The following GARRE1 variants were observed in gnomAD, a reference collection of about 807,000 sequenced individuals.
The protein encoded by GARRE1 is granule associated Rac and RHOG effector 1.
In GARRE1, 49 loss-of-function variants were observed where a neutral mutation model predicts 103.2. The ratio of observed to expected loss-of-function variants is 0.47; its 90% CI spans 0.38 to 0.60. The LOEUF (loss-of-function observed/expected upper bound fraction) is 0.60, where lower values mean the gene tolerates loss of function less well. Ranked by LOEUF, GARRE1 falls within the 20% of genes least tolerant of loss-of-function variation. The probability of loss-of-function intolerance (pLI) is 0.00; values close to 1 mark genes in which losing one functional copy is unlikely to be tolerated. For missense variants in GARRE1, 1,199 were observed against 1,370.5 expected (o/e 0.87, Z 1.98); for synonymous variants, 505 against 532.8 (o/e 0.95, Z 0.72).
chr19:34,330,164 G>T, intron 6 of GARRE1, 25 bp from the exon 7 acceptor site: 1 of 1,605,810 alleles, frequency 6.2e-7, no homozygotes, highest in South Asian at 1.1e-5. Context: ...CTTGAGGTGT[G>T]AACTCTCTTC....
At position 34,333,817 on chromosome 19, in the gene GARRE1, C is replaced by T; in HGVS notation, c.1361+16C>T. The T allele has an allele frequency of 1.4e-6, 2 of 1,439,860 alleles. No individual in the cohort carries two copies. Among genetic ancestry groups the T allele is most frequent in the Non-Finnish European group, 2.0e-6 (2 of 1,022,370 alleles). The allele number at this position is 1,439,860 out of a possible 1,614,324, so 89.2% of individuals were successfully genotyped here. A position where few individuals can be genotyped will look rare whatever the true frequency, so the allele number is the denominator to read the frequency against. ...CATCCACATGGTAACGTGCCTCTTA[C>T]TTTCACCGGAGCCTAAGCTCTGACT... On this transcript the variant is annotated intron_variant, in intron 8 of 13. Coordinates refer to ENST00000299505, the MANE Select transcript of GARRE1 (RefSeq NM_014686.5).
intron 1 of GARRE1, among the ~76,000 whole-genome samples, chr19:34,259,406 C>G (rs1414706391): frequency 1.3e-5 from 2 of 152,202 alleles, no homozygotes; most frequent in Admixed American, 6.5e-5. Flanking sequence ...TGAATTTACT[C>G]AAGAATTGAG....
At position 34,354,292 on chromosome 19, in the gene GARRE1, C is replaced by T. The variant is rs1451899196; in HGVS notation, c.*1337C>T. 6.6e-6 allele frequency: 1 copy of T among 152,052 alleles called. No individual in the cohort carries two copies. Among genetic ancestry groups the T allele is most frequent in the East Asian group, 1.9e-4 (1 of 5,200 alleles). 9.4% of individuals were successfully genotyped at this position (152,052 alleles called of 1,614,324 possible). A position where few individuals can be genotyped will look rare whatever the true frequency, so the allele number is the denominator to read the frequency against. Reference sequence around the variant, plus strand: ...CTAATAAATGGTTTATTCTTTCTAACTCCATATAAGCTTTTCCAGCAAAGA... The same window carrying T: ...CTAATAAATGGTTTATTCTTTCTAATTCCATATAAGCTTTTCCAGCAAAGA... On this transcript the variant is annotated 3_prime_UTR_variant, in exon 14 of 14. Coordinates refer to ENST00000299505, the MANE Select transcript of GARRE1 (RefSeq NM_014686.5).
chr19:34,263,271 GAT>G (rs1568521142), intron 1 of GARRE1, among the ~76,000 whole-genome samples: 4 of 149,636 alleles, frequency 2.7e-5, no homozygotes, highest in East Asian at 2.0e-4. Flanking sequence ...TAGAGAGATA[GAT>G]AGATAGATAG....
chr19:34,256,312 G>A (rs1014735790), intron 1 of GARRE1, among the ~76,000 whole-genome samples: 6 of 151,350 alleles, frequency 4.0e-5, no homozygotes, highest in Admixed American at 2.0e-4. Flanking sequence ...AGGAGTTCTA[G>A]ACCAGCCTGG....
At chr19:34,343,167 C>T (rs887484511) in intron 10 of GARRE1, among the ~76,000 whole-genome samples, 1 of 152,142 alleles carries the variant, frequency 6.6e-6, no homozygotes, top group Non-Finnish European at 1.5e-5. Context: ...AGAAAGGATA[C>T]ATTAAAAGCG....
chr19:34,301,387 C>G (rs2073977644), intron 2 of GARRE1, among the ~76,000 whole-genome samples: 1 of 151,820 alleles, frequency 6.6e-6, no homozygotes, highest in Non-Finnish European at 1.5e-5. Context: ...CATCCAGAAG[C>G]CCTGACTACT....
intron 10 of GARRE1, among the ~76,000 whole-genome samples, chr19:34,344,115 C>T (rs1466478389): frequency 6.6e-6 from 1 of 151,948 alleles, no homozygotes; most frequent in Admixed American, 6.6e-5. Flanking sequence ...GAACCCCCCC[C>T]ACAAAAAAAA....
intron 1 of GARRE1, among the ~76,000 whole-genome samples, chr19:34,296,778 A>AT (rs2073949863): frequency 6.6e-6 from 1 of 152,076 alleles, no homozygotes; most frequent in African/African-American, 2.4e-5. Context: ...AGCACCTAGA[A>AT]CTGGAACCCT....
chr19:34,337,003 G>T (rs1245382236), intron 8 of GARRE1, among the ~76,000 whole-genome samples: 1 of 150,892 alleles, frequency 6.6e-6, no homozygotes, highest in Non-Finnish European at 1.5e-5. Context: ...TCTTGTAGAG[G>T]TGCCCTCTGC....
chr19:34,333,483 C>A (rs531591489), intron 7 of GARRE1, among the ~76,000 whole-genome samples: 1 of 152,308 alleles, frequency 6.6e-6, no homozygotes, highest in African/African-American at 2.4e-5. Context: ...CAATTTAATT[C>A]CATGCCCAGA....
chr19:34,304,396 G>T (rs1463422671), intron 2 of GARRE1, among the ~76,000 whole-genome samples: 1 of 136,290 alleles, frequency 7.3e-6, no homozygotes, highest in Non-Finnish European at 1.5e-5. Context: ...TTTTTTTTGA[G>T]ACGGAGTCTT....
intron 1 of GARRE1, among the ~76,000 whole-genome samples, chr19:34,266,648 T>C (rs2073753475): frequency 6.6e-6 from 1 of 152,168 alleles, no homozygotes; most frequent in African/African-American, 2.4e-5. Flanking sequence ...CAGGCAACTT[T>C]CTGGTCTTTT....
chr19:34,352,560 G>A lies in GARRE1; in HGVS notation c.2905-87G>A. 7 of 1,140,604 alleles carry A rather than the reference G, an allele frequency of 6.1e-6. No homozygotes were observed. The South Asian group carries it at 9.6e-5, about 16-fold the overall frequency. The allele number at this position is 1,140,604 out of a possible 1,614,324, so 70.7% of individuals were successfully genotyped here. ...GTGGGGCTCTCACCCGGCTTCCTAG[G>A]AGGGAATAAGGGCCAGGCATCTGGG... On this transcript the variant is annotated intron_variant, in intron 13 of 13. Coordinates refer to ENST00000299505, the MANE Select transcript of GARRE1 (RefSeq NM_014686.5).
chr19:34,342,702 G>C (rs867780735), intron 10 of GARRE1, among the ~76,000 whole-genome samples: 1 of 152,212 alleles, frequency 6.6e-6, no homozygotes, highest in South Asian at 2.1e-4. Context: ...CTGAGGCTAA[G>C]AGAGGTTACT....
intron 3 of GARRE1, among the ~76,000 whole-genome samples, chr19:34,323,278 G>A (rs1426018003): frequency 1.3e-5 from 2 of 152,048 alleles, no homozygotes; most frequent in South Asian, 2.1e-4. Flanking sequence ...TGGTCTGCCC[G>A]CCTCAGCCTC....
At position 34,354,144 on chromosome 19, in the gene GARRE1, A is replaced by G. The variant is rs1298290557; in HGVS notation, c.*1189A>G. The stretch of plus-strand genomic sequence containing the variant: ...TATATAAAACTTATTTAAATTTTTC[A>G]TATTTCATCTTTGAAAAAGTCTGAG... On this transcript the variant is annotated 3_prime_UTR_variant, in exon 14 of 14. Coordinates refer to ENST00000299505, the MANE Select transcript of GARRE1 (RefSeq NM_014686.5). The G allele has an allele frequency of 6.6e-6, 1 of 152,560 alleles. No homozygotes were observed. The highest frequency in any genetic ancestry group is 1.5e-5 in the Non-Finnish European group (1 of 68,026). The allele number at this position is 152,560 out of a possible 1,614,324, so 9.5% of individuals were successfully genotyped here. A position where few individuals can be genotyped will look rare whatever the true frequency, so the allele number is the denominator to read the frequency against.
intron 2 of GARRE1, among the ~76,000 whole-genome samples, chr19:34,310,658 A>G (rs2074032034): frequency 6.6e-6 from 1 of 152,260 alleles, no homozygotes; most frequent in South Asian, 2.1e-4. Context: ...AGCATTGCAC[A>G]GATGACAAGG....
chr19:34,323,988 C>T (rs544418895), intron 3 of GARRE1, among the ~76,000 whole-genome samples: 2 of 152,324 alleles, frequency 1.3e-5, no homozygotes, highest in African/African-American at 4.8e-5. Context: ...CACCACCACT[C>T]CTGCCATCCC....
Sources: gnomAD v4.1 joint callset for allele counts (sites outside exome capture counted in the v4.1 genomes callset) on GRCh38, gnomAD v4.1.1 for gene constraint, MANE v1.5 for transcripts, NCBI Gene and HGNC (gene_info 2026-07-23, HGNC 2026-07-21) for gene names.